The following VPS13A variants were observed in gnomAD, a reference collection of about 807,000 sequenced individuals.
The protein encoded by VPS13A is vacuolar protein sorting 13 homolog A, also known as intermembrane lipid transfer protein VPS13A.
VPS13A carries 264 observed loss-of-function variants against 390.9 expected under a neutral mutation model. The observed-to-expected ratio is 0.68, with a 90% confidence interval of 0.61 to 0.75. VPS13A has a LOEUF of 0.75. Among genes scored for constraint, VPS13A ranks in the 30% least tolerant of loss-of-function variants. The probability of loss-of-function intolerance (pLI) is 0.00; values close to 1 mark genes in which losing one functional copy is unlikely to be tolerated. For synonymous variants in VPS13A, 1,231 were observed against 1,227.1 expected (o/e 1.00, Z -0.07); for missense variants, 3,409 against 3,733.9 (o/e 0.91, Z 2.27).
intron 54 of VPS13A, 77 bp downstream of exon 54, chr9:77,353,718 A>G (rs916236681): frequency 1.8e-5 from 25 of 1,359,584 alleles, no homozygotes; most frequent in Non-Finnish European, 1.5e-5. Context: ...TAAAATCTCA[A>G]ATGATTTAGT....
chr9:77,397,078 T>C (rs1340791281), intron 68 of VPS13A, among the ~76,000 whole-genome samples: 1 of 152,198 alleles, frequency 6.6e-6, no homozygotes, highest in Non-Finnish European at 1.5e-5. Context: ...AACCTCTGCC[T>C]CCTAGGTTCA....
chr9:77,250,069 A>T, intron 20 of VPS13A, 28 bp from the exon 21 acceptor site: 1 of 1,611,904 alleles, frequency 6.2e-7, no homozygotes, highest in Non-Finnish European at 8.5e-7. Context: ...TATTTTGCAT[A>T]GTCTAAACTA....
Position 77,315,288 on chromosome 9 carries a change from A to C in VPS13A, c.4448A>C (p.Asp1483Ala). ...CTGACAGTTGGTTTTGACAAAAAAG[A>C]CATGATGGATATAAAGTACAGGAAA... The part of the protein sequence containing the change: ...IGLTVGFDKK[D>A]MMDIKYRKVR... The change falls in exon 38 of 72, where the codon GAC (aspartate) becomes GCC (alanine). Residue 1483 changes from aspartate to alanine, a missense_variant. This residue lies in a region of VPS13A where 2,717 missense variants were observed against 2,917.4 expected (regional missense o/e 0.93). Transcript: ENST00000360280. The C allele has an allele frequency of 1.2e-6, 2 of 1,613,920 alleles. No homozygotes were observed. The highest frequency in any genetic ancestry group is 8.5e-7 in the Non-Finnish European group (1 of 1,179,814).
chr9:77,355,255 A>C (rs931254551), intron 54 of VPS13A, among the ~76,000 whole-genome samples: 3 of 152,192 alleles, frequency 2.0e-5, no homozygotes, highest in Non-Finnish European at 2.9e-5. Flanking sequence ...TGTCAGCATT[A>C]CCAGTGACCT....
At chr9:77,281,967 T>G (rs746819818) in intron 28 of VPS13A, 41 bp downstream of exon 28, 23 of 1,381,068 alleles carry the variant, frequency 1.7e-5, no homozygotes, top group Admixed American at 7.1e-5. Context: ...GTACTATTTC[T>G]TATGGAAATT....
intron 42 of VPS13A, 143 bp downstream of exon 42, chr9:77,319,816 T>A (rs1282158608): frequency 2.0e-6 from 1 of 506,918 alleles, no homozygotes; most frequent in East Asian, 3.3e-5. Flanking sequence ...TCTGCACATG[T>A]ATAGCCTCCC....
At chr9:77,257,534 C>G (rs1825516841) in intron 22 of VPS13A, among the ~76,000 whole-genome samples, 1 of 152,154 alleles carries the variant, frequency 6.6e-6, no homozygotes, top group African/African-American at 2.4e-5. Flanking sequence ...GGTAGGATTG[C>G]TTGAGGCAAG....
chr9:77,369,517 A>G (rs1167288130), intron 63 of VPS13A, 105 bp downstream of exon 63: 4 of 816,208 alleles, frequency 4.9e-6, no homozygotes, highest in Non-Finnish European at 8.5e-6. Flanking sequence ...CAGATTTTGG[A>G]ACACACACAA....
chr9:77,408,482 G>C (rs1464816035), intron 71 of VPS13A, among the ~76,000 whole-genome samples: 1 of 152,246 alleles, frequency 6.6e-6, no homozygotes, highest in Non-Finnish European at 1.5e-5. Context: ...GTGAGCCAAA[G>C]TAGGGCGAGG....
At chr9:77,310,615 T>TCAC (rs10684818) in intron 35 of VPS13A, among the ~76,000 whole-genome samples, 15,810 of 152,078 alleles carry the variant, frequency 0.1, 858 homozygotes, top group Middle Eastern at 0.13. Context: ...GTAAATCTCA[T>TCAC]TGAAAAATAC....
chr9:77,197,957 A>T (rs1825099591), intron 1 of VPS13A, among the ~76,000 whole-genome samples: 1 of 152,156 alleles, frequency 6.6e-6, no homozygotes, highest in South Asian at 2.1e-4. Context: ...TAACAGTAAG[A>T]CATATGAGGT....
rs528628591 is a variant in VPS13A, at chr9:77,332,057, C to G, written c.6039C>G (p.Thr2013=). Reference sequence around the variant, plus strand: ...CACTGTCTGTTTACGAAGGGGATACCTTATTGGGAACTGCCTCACCTGAAA... The same window carrying G: ...CACTGTCTGTTTACGAAGGGGATACGTTATTGGGAACTGCCTCACCTGAAA... ...SVPLSVYEGD[T]LLGTASPENE... Residue 2013 remains threonine, a synonymous_variant, in exon 46 of 72, where the codon ACC becomes ACG. Coordinates refer to ENST00000360280, the MANE Select transcript of VPS13A (RefSeq NM_033305.3). The G allele has an allele frequency of 6.2e-7, 1 of 1,611,902 alleles. No individual in the cohort carries two copies. The highest frequency in any genetic ancestry group is 8.5e-7 in the Non-Finnish European group (1 of 1,178,624).
At chr9:77,207,519 CTATATATAAATGTTTTATT>C (rs964665246) in intron 5 of VPS13A, among the ~76,000 whole-genome samples, 22 of 151,118 alleles carry the variant, frequency 1.5e-4, no homozygotes, top group African/African-American at 5.1e-4. Flanking sequence ...AGTATCATGG[CTATATATAAATGTTTTATT>C]TATATATAAA....
At chr9:77,194,362 G>A (rs968912288) in intron 1 of VPS13A, among the ~76,000 whole-genome samples, 1 of 93,430 alleles carries the variant, frequency 1.1e-5, no homozygotes, top group Non-Finnish European at 2.4e-5. Flanking sequence ...GATGGGGGTT[G>A]GGGGGGGCGC....
intron 35 of VPS13A, among the ~76,000 whole-genome samples, chr9:77,309,229 A>C (rs1249236282): frequency 6.6e-6 from 1 of 152,224 alleles, no homozygotes; most frequent in African/African-American, 2.4e-5. Context: ...CTGAACATGT[A>C]ATTAGAAGTA....
chr9:77,348,740 G>A (rs377174829), intron 52 of VPS13A, among the ~76,000 whole-genome samples: 33 of 152,192 alleles, frequency 2.2e-4, no homozygotes, highest in African/African-American at 7.7e-4. Context: ...GTCACATTGT[G>A]TTACTTTCTT....
chr9:77,213,903 A>G (rs1050200496), intron 9 of VPS13A, among the ~76,000 whole-genome samples: 3 of 152,132 alleles, frequency 2.0e-5, no homozygotes, highest in Non-Finnish European at 4.4e-5. Flanking sequence ...GCTAAGTTCT[A>G]AGTTTGAATT....
rs1832460022 is a variant in VPS13A at position 77,366,894 on chromosome 9, G to A, written c.8471+22G>A. 5 of 1,607,204 alleles carry A rather than the reference G, an allele frequency of 3.1e-6. No individual in the cohort carries two copies. In the South Asian group the frequency reaches 5.6e-5, roughly 18 times the overall value. Reference sequence around the variant, plus strand: ...TTAAGTATGTTTAGTATTCAAATCTGTAAATTGATGGAAATATTTCTATTT... The same window carrying A: ...TTAAGTATGTTTAGTATTCAAATCTATAAATTGATGGAAATATTTCTATTT... On this transcript the variant is annotated intron_variant, in intron 61 of 71. Transcript: ENST00000360280.
rs142351678 is a variant in VPS13A, at chr9:77,303,704, T to C, written c.3960+642T>C. On this transcript the variant is annotated intron_variant, in intron 34 of 71. Transcript: ENST00000360280. Reference sequence around the variant, plus strand: ...AAAAACGTGTGAGCAAAAGAATCTATGTCATAATTAAGTTCAAGGGAAGGT... The same window carrying C: ...AAAAACGTGTGAGCAAAAGAATCTACGTCATAATTAAGTTCAAGGGAAGGT... Among the ~76,000 whole-genome samples the C allele has an allele frequency of 3.8e-4, 58 of 152,242 alleles. No homozygotes were observed. In the East Asian group the frequency reaches 9.8e-3, roughly 26 times the overall value.
Sources: gnomAD v4.1 joint callset for allele counts (sites outside exome capture counted in the v4.1 genomes callset) on GRCh38, gnomAD v4.1.1 for gene constraint, gnomAD v4.1.1 regional missense constraint, MANE v1.5 for transcripts, NCBI Gene and HGNC (gene_info 2026-07-23, HGNC 2026-07-21) for gene names.